Variants in CPSF1 observed in about 807,000 individuals in gnomAD.
CPSF1 encodes the protein cleavage and polyadenylation specific factor 1, also known as cleavage and polyadenylation specificity factor subunit 1.
In CPSF1, 106 loss-of-function variants were observed where a neutral mutation model predicts 175.8. The observed-to-expected ratio is 0.60, with a 90% CI of 0.52 to 0.71. The LOEUF (loss-of-function observed/expected upper bound fraction) is 0.71, where lower values mean the gene tolerates loss of function less well. Among genes scored for constraint, CPSF1 ranks in the 30% least tolerant of loss-of-function variants. The probability of loss-of-function intolerance (pLI) is 0.00; values close to 1 mark genes in which losing one functional copy is unlikely to be tolerated. For missense variants in CPSF1, 1,734 were observed against 2,022.9 expected, an observed-to-expected ratio of 0.86 and a Z score of 2.74; for synonymous variants, 1,024 against 858.3, an observed-to-expected ratio of 1.19 and a Z score of -3.37.
rs367824828 is a variant in CPSF1 at position 144,394,803 on chromosome 8, G to A, written c.3415-7C>T. 8.2e-5 allele frequency: 133 copies of A among 1,613,432 alleles called. No homozygotes were observed. Among genetic ancestry groups the A allele is most frequent in the Middle Eastern group, 1.6e-4 (1 of 6,084 alleles). On this transcript the variant is annotated splice_region_variant and splice_polypyrimidine_tract_variant and intron_variant, in intron 30 of 37. Transcript: ENST00000616140. ...TCACATCCATGATCAAGATCTGGAGGGCATGGGTATGGCTGTGGGATGGCT... is the reference window on the plus strand; with the variant it reads ...TCACATCCATGATCAAGATCTGGAGAGCATGGGTATGGCTGTGGGATGGCT...
At position 144,395,430 on chromosome 8, in the gene CPSF1, C is replaced by A. The variant is rs370729154; in HGVS notation, c.3096+5G>T. On this transcript the variant is annotated splice_donor_5th_base_variant and intron_variant, in intron 27 of 37. Transcript: ENST00000616140. ...GTCCCTGGTGGGGTGGGGGTGGGGG[C>A]AGACCTTAGACTCCACGTGGTAAGC... is the stretch of plus-strand genomic sequence containing the variant. 4 of 1,612,828 alleles carry A rather than the reference C, an allele frequency of 2.5e-6. No individual in the cohort carries two copies. In the East Asian group the frequency reaches 6.7e-5, roughly 27 times the overall value.
Position 144,400,451 on chromosome 8 carries a change from G to A in CPSF1, c.729C>T (p.Ile243=). 1.2e-6 allele frequency: 2 copies of A among 1,613,512 alleles called. No homozygotes were observed. The highest frequency in any genetic ancestry group is 1.3e-5 in the African/African-American group (1 of 75,036). ...GCACCTTCTGCGTGATGTTCAGTGA[G>A]ATGGCCACAATGGAGCACGTGTCCT... ...VRQDTCSIVA[I]SLNITQKVHP... is the part of the protein sequence containing the mutation. The change falls in exon 8 of 38, where the codon ATC becomes ATT. Residue 243 remains isoleucine, a synonymous_variant. Coordinates refer to ENST00000616140, the MANE Select transcript of CPSF1 (RefSeq NM_013291.3).
chr8:144,398,454 C>A lies in CPSF1; in HGVS notation c.1753-11G>T, dbSNP rs1554864969. 6.2e-7 allele frequency: 1 copy of A among 1,613,544 alleles called. No individual in the cohort carries two copies. Among genetic ancestry groups the A allele is most frequent in the Non-Finnish European group, 8.5e-7 (1 of 1,179,952 alleles). On this transcript the variant is annotated splice_polypyrimidine_tract_variant and intron_variant, in intron 18 of 37. Coordinates refer to ENST00000616140, the MANE Select transcript of CPSF1 (RefSeq NM_013291.3). ...CCCCGTCTGCAGGATCTGCGGGCGA[C>A]AGCTGTGAGGGAGGCGCCCCCCGCA...
Position 144,401,201 on chromosome 8 carries a change from G to A in CPSF1, c.387+10C>T, listed in dbSNP as rs2116882625. On this transcript the variant is annotated intron_variant, in intron 5 of 37. Transcript: ENST00000616140. Reference sequence around the variant, plus strand: ...GCGGGGCCTGGGCGGGGGCGGGAGCGCGGCCCTACCCGAAGCTCAGGCTCC... The same window carrying A: ...GCGGGGCCTGGGCGGGGGCGGGAGCACGGCCCTACCCGAAGCTCAGGCTCC... 7.8e-5 allele frequency: 121 copies of A among 1,548,982 alleles called. No homozygotes were observed. Among genetic ancestry groups the A allele is most frequent in the African/African-American group, 4.9e-4 (36 of 72,986 alleles).
chr8:144,404,842 G>C (rs1252331595), intron 2 of CPSF1, among the ~76,000 whole-genome samples: 1 of 151,472 alleles, frequency 6.6e-6, no homozygotes, highest in African/African-American at 2.4e-5. Context: ...GGATCACGGG[G>C]TCAGGCGATC....
rs1586612367 is a variant in CPSF1, at chr8:144,395,475, C to T, written c.3056G>A (p.Arg1019His). The change falls in exon 27 of 38, where the codon CGC becomes CAC. Residue 1019 changes from arginine (R) to histidine (H), a missense_variant. Transcript: ENST00000616140. ...APWPVRKIPLRCTAHYVAYHV... is the reference protein window; with the variant it reads ...APWPVRKIPLHCTAHYVAYHV... ...GTAAGCCACATAGTGGGCCGTGCAG[C>T]GCAGCGGGATCTTCCTGACAGGCCA... The T allele has an allele frequency of 3.1e-6, 5 of 1,609,670 alleles. No homozygotes were observed. The highest frequency in any genetic ancestry group is 4.2e-6 in the Non-Finnish European group (5 of 1,177,976).
Position 144,394,780 on chromosome 8 carries a change from A to G in CPSF1, c.3431T>C (p.Val1144Ala), listed in dbSNP as rs1365488695. 7 of 1,613,426 alleles carry G rather than the reference A, an allele frequency of 4.3e-6. No individual in the cohort carries two copies. Among genetic ancestry groups the G allele is most frequent in the Non-Finnish European group, 5.9e-6 (7 of 1,179,950 alleles). ...TCRGRILIMD[V>A]IEVVPEPGQP... The stretch of plus-strand genomic sequence containing the variant: ...GCCAGGCTCGGGCACCACCTCAATC[A>G]CATCCATGATCAAGATCTGGAGGGC... The change falls in exon 31 of 38, where the codon GTG becomes GCG. Residue 1144 changes from valine (V) to alanine (A), a missense_variant. Around this residue, in one of 10 missense-constraint regions of CPSF1, gnomAD observed 62 missense variants for 124.5 expected, o/e 0.50. Coordinates refer to ENST00000616140, the MANE Select transcript of CPSF1 (RefSeq NM_013291.3).
At position 144,393,717 on chromosome 8, in the gene CPSF1, C is replaced by T. The variant is rs1554862312; in HGVS notation, c.4095G>A (p.Ala1365=). The change falls in exon 36 of 38, where the codon GCG becomes GCA. Residue 1365 remains alanine, a synonymous_variant. Transcript: ENST00000616140. ...CGTGGTGTGGCAGCATGGTGGTCAG[C>T]GCGTTCTGCAGCATCAGCAGCCGCC... is the stretch of plus-strand genomic sequence containing the variant. The part of the protein sequence containing the change: ...TYRRLLMLQN[A]LTTMLPHHAG... 2 of 1,568,502 alleles carry T rather than the reference C, an allele frequency of 1.3e-6. No homozygotes were observed. The highest frequency in any genetic ancestry group is 1.7e-6 in the Non-Finnish European group (2 of 1,163,896).
chr8:144,398,694 G>A lies in CPSF1; in HGVS notation c.1639-56C>T, dbSNP rs2116853718. The stretch of plus-strand genomic sequence containing the variant: ...GCCACAGTCCAGTGAAGGCAGGCAC[G>A]CAGGTGCGACCTGGGCACCCCCGGC... On this transcript the variant is annotated intron_variant, in intron 17 of 37. Transcript: ENST00000616140. 90 of 1,603,766 alleles carry A rather than the reference G, an allele frequency of 5.6e-5. No homozygotes were observed. In the Middle Eastern group the frequency reaches 3.5e-3, roughly 62 times the overall value.
intron 23 of CPSF1, 28 bp downstream of exon 23, chr8:144,397,179 A>G: frequency 6.6e-7 from 1 of 1,514,504 alleles, no homozygotes; most frequent in Non-Finnish European, 8.9e-7. Flanking sequence ...GGAAGATGGG[A>G]AGGGGAGGCC....
intron 22 of CPSF1, 29 bp from the exon 23 acceptor site, chr8:144,397,442 C>A (rs1554864368): frequency 1.3e-6 from 2 of 1,581,194 alleles, no homozygotes; most frequent in African/African-American, 2.7e-5. Flanking sequence ...TCAGTGGAGG[C>A]AGGTGGGTGG....
rs1275558995 is a variant in CPSF1 at position 144,397,636 on chromosome 8, T to C, written c.2236A>G (p.Met746Val). ...AGGGAGCCCGAATCCCCATACAGCA[T>C]CTCCTCCTCGTCATCCACTGTGGGG... ...TSPTVDDEEEMLYGDSGSLFS... is the reference protein window; with the variant it reads ...TSPTVDDEEEVLYGDSGSLFS... Residue 746 changes from methionine (M) to valine (V), a missense_variant, in exon 22 of 38, where the codon ATG becomes GTG. Physicochemically the swap from Met to Val is conservative, Grantham distance 21. This residue lies in a region of CPSF1 where 585 missense variants were observed against 584.7 expected (regional missense o/e 1.00). Transcript: ENST00000616140. 4 of 1,532,506 alleles carry C rather than the reference T, an allele frequency of 2.6e-6. No homozygotes were observed. Among genetic ancestry groups the C allele is most frequent in the Non-Finnish European group, 3.5e-6 (4 of 1,136,888 alleles). The allele number at this position is 1,532,506 out of a possible 1,614,324, so 94.9% of individuals were successfully genotyped here.
intron 23 of CPSF1, 54 bp from the exon 24 acceptor site, chr8:144,396,983 G>A: frequency 2.9e-6 from 4 of 1,361,296 alleles, no homozygotes; most frequent in East Asian, 2.3e-5. Flanking sequence ...GAGAACATGG[G>A]ATGGGCCATG....
Position 144,401,680 on chromosome 8 carries a change from G to C in CPSF1, c.145-7C>G, listed in dbSNP as rs782583348. 6.2e-7 allele frequency: 1 copy of C among 1,605,418 alleles called. No homozygotes were observed. The highest frequency in any genetic ancestry group is 8.5e-7 in the Non-Finnish European group (1 of 1,176,090). ...TGTCATTCTTGGTCAGAGCCTGGAG[G>C]GGAGAGAAAGACAGGGCAGTGAGGG... On this transcript the variant is annotated splice_polypyrimidine_tract_variant and splice_region_variant and intron_variant, in intron 2 of 37. Transcript: ENST00000616140.
intron 2 of CPSF1, among the ~76,000 whole-genome samples, chr8:144,402,372 A>T (rs1821265708): frequency 6.6e-6 from 1 of 151,966 alleles, no homozygotes; most frequent in African/African-American, 2.4e-5. Flanking sequence ...CAGTGGCGTG[A>T]TCTTGGCTCA....
rs1554864661 is a variant in CPSF1, at chr8:144,397,915, G to A, written c.2074-36C>T. 9 of 1,599,084 alleles carry A rather than the reference G, an allele frequency of 5.6e-6. No homozygotes were observed. In the East Asian group the frequency reaches 9.0e-5, roughly 16 times the overall value. ...AGGGGTGGGCTCAGCGGCGGGCAAG[G>A]GGCAGGGACAGGAGGGCGCCGGGAA... On this transcript the variant is annotated intron_variant, in intron 20 of 37. Transcript: ENST00000616140.
intron 2 of CPSF1, among the ~76,000 whole-genome samples, chr8:144,408,341 C>T (rs1342520175): frequency 3.9e-5 from 6 of 152,196 alleles, no homozygotes; most frequent in Non-Finnish European, 5.9e-5. Flanking sequence ...AGAGGTACTC[C>T]TCCCTTCAAG....
chr8:144,400,134 G>GGGGC, intron 9 of CPSF1, 32 bp downstream of exon 9: 1 of 964,402 alleles, frequency 1.0e-6, no homozygotes, highest in Non-Finnish European at 1.5e-6. Context: ...GCCGTCCCCG[G>GGGGC]GCCCCCCCCG....
At position 144,397,223 on chromosome 8, in the gene CPSF1, C is replaced by T; in HGVS notation, c.2576G>A (p.Ser859Asn). The change falls in exon 23 of 38, where the codon AGC becomes AAC. Residue 859 changes from serine (S) to asparagine (N), a missense_variant. Coordinates refer to ENST00000616140, the MANE Select transcript of CPSF1 (RefSeq NM_013291.3). ...CGCACTCACCAGCAGGTAGGGCCTG[C>T]TCTGGCGGCTGCCCAGCGCCACCAG... ...VLLVALGSRQ[S>N]RPYLLVHVDQ... 1 of 1,546,272 alleles carries T rather than the reference C, an allele frequency of 6.5e-7. No homozygotes were observed. Among genetic ancestry groups the T allele is most frequent in the Middle Eastern group, 2.2e-4 (1 of 4,566 alleles).
Sources: gnomAD v4.1 joint callset for allele counts (sites outside exome capture counted in the v4.1 genomes callset) on GRCh38, gnomAD v4.1.1 for gene constraint, gnomAD v4.1.1 regional missense constraint, MANE v1.5 for transcripts, NCBI Gene and HGNC (gene_info 2026-07-23, HGNC 2026-07-21) for gene names.